Variants in SLC22A25 observed in about 807,000 individuals in gnomAD.
SLC22A25 encodes the protein MGI:2442751, MGI:2385316, MGI:3042283, MGI:3645714, MGI:3605624, MGI:2442750.
A neutral mutation model predicts 45.9 loss-of-function variants in SLC22A25; 44 were observed. The ratio of observed to expected loss-of-function variants is 0.96; its 90% CI spans 0.75 to 1.23. The LOEUF (loss-of-function observed/expected upper bound fraction) is 1.23, where lower values mean the gene tolerates loss of function less well. Ranked by LOEUF, SLC22A25 falls within the 50% of genes most tolerant of loss-of-function variation. SLC22A25 has a pLI of 0.00. For synonymous variants in SLC22A25, 283 were observed against 238.6 expected (o/e 1.19, Z -1.72); for missense variants, 800 against 666.4 (o/e 1.20, Z -2.21).
intron 3 of SLC22A25, among the ~76,000 whole-genome samples, chr11:63,230,409 T>G (rs1358223411): frequency 6.6e-6 from 1 of 152,202 alleles, no homozygotes; most frequent in Non-Finnish European, 1.5e-5. Flanking sequence ...TGTGTCAGTA[T>G]CTTGAATAAT....
In SLC22A25 at chr11:63,199,648, T is replaced by A. The variant is rs112013673; in HGVS notation, c.831-15831A>T. 1.5e-3 allele frequency among the ~76,000 whole-genome samples: 233 copies of A among 152,214 alleles called. 1 individual carries two copies. The highest frequency in any genetic ancestry group is 4.8e-3 in the African/African-American group (198 of 41,550). ...CCAAAGTAGCTCACTTTGTGTGTTCTTATCAGCCTGCCCAGCTACTTAGGT... is the reference window on the plus strand; with the variant it reads ...CCAAAGTAGCTCACTTTGTGTGTTCATATCAGCCTGCCCAGCTACTTAGGT... On this transcript the variant is annotated intron_variant, in intron 7 of 11. Transcript: ENST00000306494.
intron 8 of SLC22A25, among the ~76,000 whole-genome samples, chr11:63,181,671 T>C (rs550952051): frequency 6.6e-6 from 1 of 152,074 alleles, no homozygotes; most frequent in Non-Finnish European, 1.5e-5. Context: ...GAGACAGGCA[T>C]GCTGTAGTGC....
chr11:63,217,146 T>C (rs1482753935), intron 7 of SLC22A25, among the ~76,000 whole-genome samples, 168 bp downstream of exon 7: 1 of 152,246 alleles, frequency 6.6e-6, no homozygotes, highest in Non-Finnish European at 1.5e-5. Context: ...CTGTCCTTAA[T>C]TTCATCAGGA....
chr11:63,232,725 T>A (rs577270930), intron 3 of SLC22A25, among the ~76,000 whole-genome samples: 16 of 152,112 alleles, frequency 1.1e-4, no homozygotes, highest in East Asian at 1.9e-4. Context: ...TTTCAAAGGG[T>A]ATGCTTCCAG....
chr11:63,220,158 TG>T, intron 5 of SLC22A25: 1 of 420,412 alleles, frequency 2.4e-6, no homozygotes, highest in Admixed American at 3.9e-5. Flanking sequence ...AAGCTGTTTT[TG>T]CAAAGACAAA....
At chr11:63,175,834 T>C (rs1184996138) in intron 9 of SLC22A25, among the ~76,000 whole-genome samples, 1 of 151,918 alleles carries the variant, frequency 6.6e-6, no homozygotes, top group Admixed American at 6.6e-5. Flanking sequence ...TGTATATATA[T>C]ATATACACAT....
chr11:63,173,795 G>C (rs765191751), intron 9 of SLC22A25, among the ~76,000 whole-genome samples: 2 of 151,972 alleles, frequency 1.3e-5, no homozygotes, highest in Non-Finnish European at 2.9e-5. Flanking sequence ...CCCAGGATCT[G>C]TAAGTAGACA....
chr11:63,164,673 G>A (rs1172964908), intron 10 of SLC22A25, 39 bp from the exon 11 acceptor site: 1 of 1,521,142 alleles, frequency 6.6e-7, no homozygotes, highest in South Asian at 1.1e-5. Flanking sequence ...GGAAATCTGA[G>A]CTGAAGGAAT....
chr11:63,198,010 C>G (rs1289208282), intron 7 of SLC22A25, among the ~76,000 whole-genome samples: 2 of 152,162 alleles, frequency 1.3e-5, no homozygotes, highest in African/African-American at 4.8e-5. Flanking sequence ...AAATGCAAAT[C>G]AAAACCACAA....
intron 7 of SLC22A25, among the ~76,000 whole-genome samples, chr11:63,202,940 A>T (rs1412008099): frequency 6.6e-6 from 1 of 152,212 alleles, no homozygotes; most frequent in Non-Finnish European, 1.5e-5. Context: ...CCCCTCTGGG[A>T]TGAAACTTCC....
chr11:63,210,305 A>G (rs763119272), intron 7 of SLC22A25, among the ~76,000 whole-genome samples: 2 of 152,218 alleles, frequency 1.3e-5, no homozygotes, highest in African/African-American at 2.4e-5. Flanking sequence ...AACCAGAAAT[A>G]GAAACAAAGA....
At chr11:63,182,239 G>A (rs2088354533) in intron 8 of SLC22A25, among the ~76,000 whole-genome samples, 1 of 152,126 alleles carries the variant, frequency 6.6e-6, no homozygotes, top group Admixed American at 6.6e-5. Context: ...TCTGGGTGCT[G>A]AGGGGACAGT....
At chr11:63,209,485 A>C (rs1213132118) in intron 7 of SLC22A25, among the ~76,000 whole-genome samples, 5 of 152,122 alleles carry the variant, frequency 3.3e-5, no homozygotes, top group African/African-American at 9.7e-5. Context: ...GAGGAAAGTG[A>C]GGCTCAGTCT....
chr11:63,187,700 T>A (rs147428463), intron 7 of SLC22A25, among the ~76,000 whole-genome samples: 2 of 152,202 alleles, frequency 1.3e-5, no homozygotes, highest in African/African-American at 4.8e-5. Flanking sequence ...ATAGCTCTTA[T>A]TATTTTGAGA....
chr11:63,223,740 T>C (rs2089902026), intron 5 of SLC22A25, among the ~76,000 whole-genome samples: 1 of 152,130 alleles, frequency 6.6e-6, no homozygotes, highest in African/African-American at 2.4e-5. Flanking sequence ...TCCTTTTTGA[T>C]GTAGGCACTT....
chr11:63,210,443 A>G (rs1278002516), intron 7 of SLC22A25, among the ~76,000 whole-genome samples: 1 of 152,212 alleles, frequency 6.6e-6, no homozygotes, highest in Non-Finnish European at 1.5e-5. Flanking sequence ...TTGGTTGGAC[A>G]GGAACCAATG....
intron 4 of SLC22A25, among the ~76,000 whole-genome samples, chr11:63,228,986 TA>T (rs1269166458): frequency 1.3e-5 from 2 of 152,230 alleles, no homozygotes; most frequent in African/African-American, 4.8e-5. Flanking sequence ...GAACATTTTT[TA>T]ACACATTATT....
In SLC22A25 at chr11:63,161,528, G is replaced by T. The variant is rs1302620396; in HGVS notation, c.*2296C>A. 6.6e-6 allele frequency among the ~76,000 whole-genome samples: 1 copy of T among 152,104 alleles called. No individual in the cohort carries two copies. Among genetic ancestry groups the T allele is most frequent in the South Asian group, 2.1e-4 (1 of 4,820 alleles). ...TCCAGTGGGAGGTAACTGAATCATG[G>T]GGGTGAGTGTTTCCCATGCTCTTCC... On this transcript the variant is annotated 3_prime_UTR_variant, in exon 12 of 12. Transcript: ENST00000306494.
At chr11:63,198,526 C>T (rs2089134192) in intron 7 of SLC22A25, among the ~76,000 whole-genome samples, 1 of 152,046 alleles carries the variant, frequency 6.6e-6, no homozygotes, top group Admixed American at 6.6e-5. Context: ...ACAATGAGAA[C>T]ACTTGGACAC....
Sources: gnomAD v4.1 joint callset for allele counts (sites outside exome capture counted in the v4.1 genomes callset) on GRCh38, gnomAD v4.1.1 for gene constraint, MANE v1.5 for transcripts, NCBI Gene and HGNC (gene_info 2026-07-23, HGNC 2026-07-21) for gene names.